The following MTOR variants were observed in gnomAD, a reference collection of about 807,000 sequenced individuals.
MTOR encodes mechanistic target of rapamycin kinase, also known as serine/threonine-protein kinase mTOR.
Under a neutral mutation model 319.8 loss-of-function variants are expected in MTOR, and 70 were observed. That is an observed-to-expected ratio of 0.22 (90% CI 0.18 to 0.27). The LOEUF (loss-of-function observed/expected upper bound fraction) is 0.27, where lower values mean the gene tolerates loss of function less well. Among genes scored for constraint, MTOR ranks in the 10% least tolerant of loss-of-function variants. The pLI is 1.00. For missense variants in MTOR, 1,890 were observed against 3,274.4 expected (o/e 0.58, Z 10.32); for synonymous variants, 1,183 against 1,211.4 (o/e 0.98, Z 0.49).
intron 38 of MTOR, chr1:11,131,738 G>A (rs1230726201): frequency 6.6e-6 from 1 of 152,252 alleles, no homozygotes; most frequent in East Asian, 1.9e-4. Flanking sequence ...GTGTGAGGCA[G>A]AGTTTGCTTC....
At chr1:11,173,353 C>A (rs370446918) in intron 28 of MTOR, among the ~76,000 whole-genome samples, 2 of 151,988 alleles carry the variant, frequency 1.3e-5, no homozygotes, top group African/African-American at 2.4e-5. Context: ...TGCAATGGTG[C>A]GATCTCAGGC....
At chr1:11,152,213 C>A (rs965775210) in intron 30 of MTOR, 1 of 152,316 alleles carries the variant, frequency 6.6e-6, no homozygotes, top group South Asian at 2.1e-4. Flanking sequence ...AAATAAAAAA[C>A]ATGAGATTGT....
chr1:11,246,900 T>C (rs1238819933), intron 8 of MTOR, among the ~76,000 whole-genome samples: 1 of 152,230 alleles, frequency 6.6e-6, no homozygotes, highest in African/African-American at 2.4e-5. Context: ...TAATAATATA[T>C]AATGGTTTCC....
Position 11,129,653 on chromosome 1 carries a change from AAGG to A in MTOR, c.5714+82_5714+84del. On this transcript the variant is annotated intron_variant, in intron 40 of 57. Coordinates refer to ENST00000361445, the MANE Select transcript of MTOR (RefSeq NM_004958.4). The surrounding 1 kb of genome is among the most constrained non-coding windows in gnomAD (Gnocchi z 4.7). ...CTTGGGTGTCCTGATCAGGGTCAGG[AAGG>A]GAAAGAGGACTTTTACGTGTGACTT... 1 of 1,220,466 alleles carries A rather than the reference AAGG, an allele frequency of 8.2e-7. No individual in the cohort carries two copies. Among genetic ancestry groups the A allele is most frequent in the East Asian group, 2.4e-5 (1 of 41,024 alleles). The allele number at this position is 1,220,466 out of a possible 1,614,324, so 75.6% of individuals were successfully genotyped here.
At chr1:11,258,127 G>A (rs1438223064) in intron 3 of MTOR, among the ~76,000 whole-genome samples, 7 of 149,862 alleles carry the variant, frequency 4.7e-5, no homozygotes, top group Non-Finnish European at 7.4e-5. Context: ...AAAAAGACCT[G>A]CCTTTTATTA....
At chr1:11,208,043 C>G (rs1376521844) in intron 25 of MTOR, among the ~76,000 whole-genome samples, 1 of 152,064 alleles carries the variant, frequency 6.6e-6, no homozygotes, top group Non-Finnish European at 1.5e-5. Context: ...GGACGGCTGC[C>G]TGGTTGGAAG....
At chr1:11,261,236 C>T (rs1238306268) in intron 1 of MTOR, among the ~76,000 whole-genome samples, 1 of 149,650 alleles carries the variant, frequency 6.7e-6, no homozygotes, top group Non-Finnish European at 1.5e-5. Flanking sequence ...GAGGCCGAGG[C>T]GGGCGGATCA....
intron 34 of MTOR, among the ~76,000 whole-genome samples, 166 bp from the exon 35 acceptor site, chr1:11,139,824 G>A (rs12121277): frequency 8.6e-5 from 13 of 152,000 alleles, no homozygotes; most frequent in East Asian, 1.9e-4. Context: ...CCCGAGTAGC[G>A]GGGATTACAG....
chr1:11,207,403 C>T (rs555338074), intron 25 of MTOR, among the ~76,000 whole-genome samples: 6 of 129,916 alleles, frequency 4.6e-5, no homozygotes, highest in East Asian at 2.4e-4. Flanking sequence ...ACCTGGCCCC[C>T]TACCTCTTTT....
At chr1:11,170,103 A>G (rs530869331) in intron 28 of MTOR, among the ~76,000 whole-genome samples, 1 of 152,388 alleles carries the variant, frequency 6.6e-6, no homozygotes, top group South Asian at 2.1e-4. Context: ...AATATGCTCC[A>G]TAAGTTAGCC....
At chr1:11,126,044 A>AAC (rs1442335848) in intron 46 of MTOR, among the ~76,000 whole-genome samples, 1 of 130,192 alleles carries the variant, frequency 7.7e-6, no homozygotes, top group African/African-American at 3.2e-5. Flanking sequence ...TCTGGCTCAA[A>AAC]AAAAAAAAAA....
At chr1:11,192,386 T>G in intron 28 of MTOR, 1 of 1,576,610 alleles carries the variant, frequency 6.3e-7, no homozygotes, top group Non-Finnish European at 8.7e-7. Context: ...GTCATTACAG[T>G]CACTGGCCAT....
At position 11,241,643 on chromosome 1, in the gene MTOR, G is replaced by A; in HGVS notation, c.1451C>T (p.Thr484Ile). Residue 484 changes from threonine (T) to isoleucine (I), a missense_variant, in exon 10 of 58, where the codon ACT (threonine) becomes ATT (isoleucine). This residue lies in a region of MTOR where 418 missense variants were observed against 543.1 expected (regional missense o/e 0.77). Coordinates refer to ENST00000361445, the MANE Select transcript of MTOR (RefSeq NM_004958.4). ...TGCTCGAGCCAGCATGCTGATGCAA[G>A]TGAAGACTGTGGCATCCACCTGCAT... ...KAMQVDATVF[T>I]CISMLARAMG... is the part of the protein sequence containing the mutation. 6.2e-7 allele frequency: 1 copy of A among 1,614,068 alleles called. No homozygotes were observed. The highest frequency in any genetic ancestry group is 8.5e-7 in the Non-Finnish European group (1 of 1,179,932).
intron 18 of MTOR, among the ~76,000 whole-genome samples, chr1:11,230,682 GAC>G (rs1462812412): frequency 6.6e-6 from 1 of 152,204 alleles, no homozygotes; most frequent in African/African-American, 2.4e-5. Flanking sequence ...TCAAAAAGCA[GAC>G]AGACTTGGCA....
chr1:11,119,978 C>T (rs182232576), intron 49 of MTOR, among the ~76,000 whole-genome samples: 2 of 150,834 alleles, frequency 1.3e-5, no homozygotes, highest in Middle Eastern at 3.4e-3. Context: ...GTCTCTAATC[C>T]CAGCACTTTA....
rs1353474319 is a variant in MTOR at position 11,153,446 on chromosome 1, C to T, written c.4470-3220G>A. 3.9e-5 allele frequency among the ~76,000 whole-genome samples: 6 copies of T among 152,166 alleles called. No homozygotes were observed. In the East Asian group the frequency reaches 1.2e-3, roughly 29 times the overall value. The stretch of plus-strand genomic sequence containing the variant: ...TGATATTTATATGTAAATCCAATGG[C>T]AACAGTGAAACATTGCAGTATTTTA... On this transcript the variant is annotated intron_variant, in intron 30 of 57. Transcript: ENST00000361445.
At position 11,245,862 on chromosome 1, in the gene MTOR, A is replaced by G. The variant is rs542071372; in HGVS notation, c.1225+1763T>C. On this transcript the variant is annotated intron_variant, in intron 8 of 57. Coordinates refer to ENST00000361445, the MANE Select transcript of MTOR (RefSeq NM_004958.4). ...TAGGTCATGGCTGCAGCGAGCTGAG[A>G]TCGCATTACTGCACTTCAGCCTGGG... Among the ~76,000 whole-genome samples, 30 of 152,230 alleles carry G rather than the reference A, an allele frequency of 2.0e-4. No homozygotes were observed. The East Asian group carries it at 5.4e-3, about 27-fold the overall frequency.
At chr1:11,249,525 G>A (rs1382607098) in intron 6 of MTOR, among the ~76,000 whole-genome samples, 2 of 148,120 alleles carry the variant, frequency 1.4e-5, no homozygotes, top group African/African-American at 2.5e-5. Flanking sequence ...ATAAACAAGT[G>A]AACAAAGGTC....
In MTOR at chr1:11,144,629, G is replaced by A. The variant is rs1375332686; in HGVS notation, c.4872+19C>T. ...GGGTAGGGGTAGGTGGGTGAACTGG[G>A]GCTTTCTACCAAGCTCACCTGCAGT... On this transcript the variant is annotated intron_variant, in intron 34 of 57. Coordinates refer to ENST00000361445, the MANE Select transcript of MTOR (RefSeq NM_004958.4). 2 of 1,612,120 alleles carry A rather than the reference G, an allele frequency of 1.2e-6. No homozygotes were observed. Among genetic ancestry groups the A allele is most frequent in the East Asian group, 4.5e-5 (2 of 44,844 alleles).
Sources: allele counts gnomAD v4.1 joint callset (sites outside exome capture counted in the v4.1 genomes callset), GRCh38; gene constraint gnomAD v4.1.1; regional missense constraint gnomAD v4.1.1; non-coding constraint Gnocchi (gnomAD v3.1); transcripts MANE v1.5; gene names NCBI Gene and HGNC (gene_info 2026-07-23, HGNC 2026-07-21).